STPG4: variants seen among roughly 807,000 people sequenced by gnomAD.
STPG4 encodes the protein protein STPG4.
In STPG4, 41 loss-of-function variants were observed where a neutral mutation model predicts 31.5. The ratio of observed to expected loss-of-function variants is 1.30; its 90% CI spans 1.01 to 1.69. STPG4 has a LOEUF of 1.69. STPG4 is among the 40% of genes most tolerant of loss of function. The pLI is 0.00. For missense variants in STPG4, 375 were observed against 293.4 expected (o/e 1.28, Z -2.03); for synonymous variants, 141 against 103.0 (o/e 1.37, Z -2.24).
intron 5 of STPG4, chr2:47,129,712 G>T: frequency 2.0e-6 from 1 of 488,294 alleles, no homozygotes; most frequent in Non-Finnish European, 3.6e-6. Context: ...ACCCTCTTCA[G>T]TGCCTCTTTC....
At chr2:47,127,249 A>ATTTTTTTT (rs1686382744) in intron 5 of STPG4, among the ~76,000 whole-genome samples, 2 of 73,386 alleles carry the variant, frequency 2.7e-5, no homozygotes, top group African/African-American at 5.8e-5. Flanking sequence ...CTTCAAGCTA[A>ATTTTTTTT]TTCTTTTTTT....
At chr2:47,089,843 T>A (rs1396517393) in intron 6 of STPG4, among the ~76,000 whole-genome samples, 1 of 152,148 alleles carries the variant, frequency 6.6e-6, no homozygotes. Flanking sequence ...GCCTTAATGG[T>A]CCCATTTGGG....
Position 47,155,198 on chromosome 2 carries a change from C to T in STPG4, c.54G>A (p.Val18=), listed in dbSNP as rs1256880147. Residue 18 remains valine, a synonymous_variant, in exon 1 of 7, where the codon GTG becomes GTA. Coordinates refer to ENST00000445927, the MANE Select transcript of STPG4 (RefSeq NM_001163561.2). The part of the protein sequence containing the change: ...TASTSIREDL[V]GGESFITASK... The stretch of plus-strand genomic sequence containing the variant: ...AAGCTGTGATGAATGATTCTCCACC[C>T]ACCAGGTCTTCCCTTATTGAGGTGG... 6.2e-7 allele frequency: 1 copy of T among 1,614,168 alleles called. No homozygotes were observed. The highest frequency in any genetic ancestry group is 8.5e-7 in the Non-Finnish European group (1 of 1,180,020).
At chr2:47,124,808 A>G (rs1686334925) in intron 5 of STPG4, among the ~76,000 whole-genome samples, 1 of 152,156 alleles carries the variant, frequency 6.6e-6, no homozygotes, top group African/African-American at 2.4e-5. Flanking sequence ...GCTGGATCAT[A>G]TGGTAGCTCT....
intron 3 of STPG4, among the ~76,000 whole-genome samples, chr2:47,141,613 A>T (rs1351339475): frequency 6.6e-6 from 1 of 151,490 alleles, no homozygotes; most frequent in Admixed American, 6.6e-5. Context: ...TTTGAGTGCT[A>T]CTTTTTTTCA....
At chr2:47,109,049 T>C (rs1171575727) in intron 5 of STPG4, among the ~76,000 whole-genome samples, 1 of 152,230 alleles carries the variant, frequency 6.6e-6, no homozygotes, top group East Asian at 1.9e-4. Context: ...TTAAGCTAAT[T>C]TGGAAGGTTT....
intron 5 of STPG4, among the ~76,000 whole-genome samples, chr2:47,113,536 AAC>A (rs1254298539): frequency 7.9e-5 from 12 of 152,320 alleles, no homozygotes; most frequent in African/African-American, 2.2e-4. Context: ...ATATTAAAAC[AAC>A]AGTCATATTA....
intron 5 of STPG4, among the ~76,000 whole-genome samples, chr2:47,120,262 T>C (rs961529217): frequency 3.3e-5 from 5 of 151,570 alleles, no homozygotes; most frequent in African/African-American, 4.9e-5. Flanking sequence ...ACCCGGGAGG[T>C]GGAGGTTGCA....
chr2:47,131,626 G>C (rs1025786671), intron 3 of STPG4, among the ~76,000 whole-genome samples: 1 of 152,170 alleles, frequency 6.6e-6, no homozygotes, highest in African/African-American at 2.4e-5. Flanking sequence ...ACAGATTGAA[G>C]ATATGGGGGT....
At chr2:47,124,642 A>C (rs991286198) in intron 5 of STPG4, among the ~76,000 whole-genome samples, 1 of 152,166 alleles carries the variant, frequency 6.6e-6, no homozygotes, top group African/African-American at 2.4e-5. Context: ...TTTGTTGTGT[A>C]TATGTACCAC....
At chr2:47,113,978 G>A (rs536793411) in intron 5 of STPG4, among the ~76,000 whole-genome samples, 13 of 151,180 alleles carry the variant, frequency 8.6e-5, no homozygotes, top group Non-Finnish European at 1.6e-4. Flanking sequence ...AGCTTGCAGT[G>A]AGCCGAGATC....
intron 5 of STPG4, among the ~76,000 whole-genome samples, chr2:47,116,692 C>T (rs762520004): frequency 2.0e-5 from 3 of 152,044 alleles, no homozygotes; most frequent in African/African-American, 7.2e-5. Flanking sequence ...GGGAGCATGG[C>T]GGAGAAGGGG....
chr2:47,143,564 C>A (rs1169855625), intron 3 of STPG4, among the ~76,000 whole-genome samples: 1 of 151,536 alleles, frequency 6.6e-6, no homozygotes, highest in African/African-American at 2.4e-5. Flanking sequence ...TGGCTCACTG[C>A]AAGCTCCGCC....
At position 47,141,769 on chromosome 2, in the gene STPG4, C is replaced by T. The variant is rs146513437; in HGVS notation, c.399+9489G>A. Among the ~76,000 whole-genome samples, 429 of 151,946 alleles carry T rather than the reference C, an allele frequency of 2.8e-3. 3 individuals carry two copies. Among genetic ancestry groups the T allele is most frequent in the African/African-American group, 9.9e-3 (411 of 41,398 alleles). ...TGCAACTGTTCAAAATCAACACACA[C>T]TTCAGGTCTAAAATGAGTGTTCAGA... On this transcript the variant is annotated intron_variant, in intron 3 of 6. Transcript: ENST00000445927.
At chr2:47,116,513 T>C (rs1686155177) in intron 5 of STPG4, among the ~76,000 whole-genome samples, 1 of 152,152 alleles carries the variant, frequency 6.6e-6, no homozygotes, top group Non-Finnish European at 1.5e-5. Context: ...TTGTAGACGG[T>C]TTTACGGAAT....
chr2:47,120,031 T>C (rs1315120219), intron 5 of STPG4, among the ~76,000 whole-genome samples: 1 of 152,042 alleles, frequency 6.6e-6, no homozygotes, highest in Non-Finnish European at 1.5e-5. Flanking sequence ...AGAGGCTTGG[T>C]TTAAAAATTG....
intron 3 of STPG4, among the ~76,000 whole-genome samples, chr2:47,150,197 A>T (rs995442894): frequency 1.3e-5 from 2 of 152,236 alleles, no homozygotes; most frequent in African/African-American, 4.8e-5. Context: ...CACATAAAAG[A>T]CATGTATTAG....
At chr2:47,093,357 T>C (rs1294048991) in intron 5 of STPG4, among the ~76,000 whole-genome samples, 1 of 152,184 alleles carries the variant, frequency 6.6e-6, no homozygotes, top group Non-Finnish European at 1.5e-5. Flanking sequence ...GTGAATTCTG[T>C]ACTCACATTG....
At chr2:47,126,314 C>G (rs900860679) in intron 5 of STPG4, among the ~76,000 whole-genome samples, 36 of 151,452 alleles carry the variant, frequency 2.4e-4, no homozygotes, top group African/African-American at 8.5e-4. Context: ...TTTCTTCTTT[C>G]TTCTTTCTCT....
Sources: gnomAD v4.1 joint callset for allele counts (sites outside exome capture counted in the v4.1 genomes callset) on GRCh38, gnomAD v4.1.1 for gene constraint, MANE v1.5 for transcripts, NCBI Gene and HGNC (gene_info 2026-07-23, HGNC 2026-07-21) for gene names.